Variants in ST6GALNAC5 observed in about 807,000 individuals in gnomAD.
ST6GALNAC5 encodes ST6 N-acetylgalactosaminide alpha-2,6-sialyltransferase 5, also known as alpha-N-acetylgalactosaminide alpha-2,6-sialyltransferase 5.
A neutral mutation model predicts 33.6 loss-of-function variants in ST6GALNAC5; 27 were observed. That is an observed-to-expected ratio of 0.80 (90% CI 0.59 to 1.11). The LOEUF (loss-of-function observed/expected upper bound fraction) is 1.11, where lower values mean the gene tolerates loss of function less well. ST6GALNAC5 is among the 50% of genes least tolerant of loss of function. The probability of loss-of-function intolerance (pLI) is 0.00; values close to 1 mark genes in which losing one functional copy is unlikely to be tolerated. For missense variants in ST6GALNAC5, 428 were observed against 454.0 expected, an observed-to-expected ratio of 0.94 and a Z score of 0.52; for synonymous variants, 194 against 171.2, an observed-to-expected ratio of 1.13 and a Z score of -1.04.
At chr1:77,010,752 A>G (rs1484300912) in intron 2 of ST6GALNAC5, among the ~76,000 whole-genome samples, 2 of 152,198 alleles carry the variant, frequency 1.3e-5, no homozygotes, top group South Asian at 2.1e-4. Context: ...AACACACTGC[A>G]CCACTCCTCT....
intron 2 of ST6GALNAC5, among the ~76,000 whole-genome samples, chr1:76,876,119 T>C (rs987302764): frequency 1.3e-5 from 2 of 152,202 alleles, no homozygotes; most frequent in Non-Finnish European, 2.9e-5. Flanking sequence ...CTGGAGTAAG[T>C]GTCTATTCCA....
intron 2 of ST6GALNAC5, among the ~76,000 whole-genome samples, chr1:76,923,038 GC>G (rs1233592659): frequency 6.6e-6 from 1 of 152,028 alleles, no homozygotes; most frequent in Non-Finnish European, 1.5e-5. Flanking sequence ...ACATCCATAG[GC>G]AAAAAGAAAG....
chr1:77,001,477 C>T (rs1650162955), intron 2 of ST6GALNAC5, among the ~76,000 whole-genome samples: 1 of 130,504 alleles, frequency 7.7e-6, no homozygotes, highest in Admixed American at 8.1e-5. Context: ...AATTGAATAC[C>T]CTTTATTTCC....
intron 2 of ST6GALNAC5, among the ~76,000 whole-genome samples, chr1:76,875,615 C>T (rs968172732): frequency 6.6e-6 from 1 of 152,074 alleles, no homozygotes; most frequent in Non-Finnish European, 1.5e-5. Flanking sequence ...GGAGCTAAGA[C>T]CTCTAGGACA....
intron 2 of ST6GALNAC5, among the ~76,000 whole-genome samples, chr1:76,981,916 A>T (rs1570734349): frequency 6.6e-6 from 1 of 152,210 alleles, no homozygotes; most frequent in South Asian, 2.1e-4. Flanking sequence ...TGCAGCTGAG[A>T]GACCTGACCG....
At chr1:76,925,681 T>C (rs1647078995) in intron 2 of ST6GALNAC5, among the ~76,000 whole-genome samples, 1 of 152,122 alleles carries the variant, frequency 6.6e-6, no homozygotes, top group Non-Finnish European at 1.5e-5. Flanking sequence ...TTTAAATATA[T>C]ATATATACAA....
intron 2 of ST6GALNAC5, among the ~76,000 whole-genome samples, chr1:76,917,170 A>G (rs1177488600): frequency 6.6e-6 from 1 of 152,114 alleles, no homozygotes; most frequent in East Asian, 1.9e-4. Context: ...GTTTTTATGC[A>G]CCTACTTTAT....
chr1:76,979,550 G>C (rs1649164513), intron 2 of ST6GALNAC5, among the ~76,000 whole-genome samples: 2 of 152,092 alleles, frequency 1.3e-5, no homozygotes, highest in African/African-American at 2.4e-5. Context: ...TTCAATAAAT[G>C]GTGCTGGGAA....
chr1:76,936,953 G>GGTGTGTGTGTGTGTGT (rs34309736), intron 2 of ST6GALNAC5, among the ~76,000 whole-genome samples: 17 of 139,914 alleles, frequency 1.2e-4, no homozygotes, highest in South Asian at 2.4e-4. Context: ...AGAGAAGCAG[G>GGTGTGTGTGTGTGTGT]GTGTGTGTGT....
At chr1:76,899,670 G>C (rs1356808995) in intron 2 of ST6GALNAC5, among the ~76,000 whole-genome samples, 1 of 152,080 alleles carries the variant, frequency 6.6e-6, no homozygotes, top group East Asian at 1.9e-4. Context: ...CGGAGTTTTG[G>C]GTCCACAGAT....
At chr1:77,052,022 G>A (rs771202566) in intron 4 of ST6GALNAC5, among the ~76,000 whole-genome samples, 1 of 152,144 alleles carries the variant, frequency 6.6e-6, no homozygotes, top group Admixed American at 6.5e-5. Context: ...CTTCATGTAC[G>A]GTAGGATCGA....
At chr1:77,059,184 T>C (rs1039471793) in intron 4 of ST6GALNAC5, among the ~76,000 whole-genome samples, 9 of 152,216 alleles carry the variant, frequency 5.9e-5, no homozygotes, top group Non-Finnish European at 1.2e-4. Context: ...TATGGTCCAA[T>C]TATCAAAAGT....
Position 76,903,351 on chromosome 1 carries a change from C to T in ST6GALNAC5, c.261+34609C>T, listed in dbSNP as rs148069460. Among the ~76,000 whole-genome samples the T allele has an allele frequency of 3.8e-4, 58 of 152,116 alleles. 1 individual carries two copies. Among genetic ancestry groups the T allele is most frequent in the African/African-American group, 1.3e-3 (54 of 41,506 alleles). On this transcript the variant is annotated intron_variant, in intron 2 of 4. Coordinates refer to ENST00000477717, the MANE Select transcript of ST6GALNAC5 (RefSeq NM_030965.3). ...CACAAGGAAATAACTCTTCACACCC[C>T]GTAGGATGGCTGTATTGAAAAAAAT...
chr1:76,912,753 C>CT (rs1368445475), intron 2 of ST6GALNAC5, among the ~76,000 whole-genome samples: 1 of 152,008 alleles, frequency 6.6e-6, no homozygotes, highest in Non-Finnish European at 1.5e-5. Context: ...CAACCCCTGC[C>CT]TTTTTTTGTT....
At chr1:77,015,823 C>A (rs1263008812) in intron 2 of ST6GALNAC5, among the ~76,000 whole-genome samples, 2 of 152,050 alleles carry the variant, frequency 1.3e-5, no homozygotes, top group Non-Finnish European at 1.5e-5. Flanking sequence ...AGAGGCAAGA[C>A]AGGGCTTCAC....
intron 2 of ST6GALNAC5, among the ~76,000 whole-genome samples, chr1:76,892,080 C>A (rs1654025891): frequency 6.6e-6 from 1 of 152,172 alleles, no homozygotes; most frequent in Non-Finnish European, 1.5e-5. Context: ...GACTAAAATT[C>A]CGTCTGCTTT....
intron 2 of ST6GALNAC5, among the ~76,000 whole-genome samples, chr1:77,007,724 C>G (rs1398345834): frequency 6.6e-6 from 1 of 152,240 alleles, no homozygotes; most frequent in Non-Finnish European, 1.5e-5. Flanking sequence ...TTAGGATTGA[C>G]TTTTAACTTG....
chr1:76,953,442 T>G (rs572520703), intron 2 of ST6GALNAC5, among the ~76,000 whole-genome samples: 2 of 152,320 alleles, frequency 1.3e-5, no homozygotes, highest in African/African-American at 4.8e-5. Flanking sequence ...GTTGGACATC[T>G]TTTTATGTGT....
chr1:76,991,956 T>C (rs1193297279), intron 2 of ST6GALNAC5, among the ~76,000 whole-genome samples: 2 of 152,178 alleles, frequency 1.3e-5, no homozygotes, highest in Non-Finnish European at 2.9e-5. Flanking sequence ...AATGTATGAA[T>C]GGAATGTTTT....
Sources: gnomAD v4.1 joint callset for allele counts (sites outside exome capture counted in the v4.1 genomes callset) on GRCh38, gnomAD v4.1.1 for gene constraint, MANE v1.5 for transcripts, NCBI Gene and HGNC (gene_info 2026-07-23, HGNC 2026-07-21) for gene names.